HSPBAP1: variants seen among roughly 807,000 people sequenced by gnomAD.
HSPBAP1 encodes the protein HSPB1 associated protein 1.
HSPBAP1 carries 27 observed loss-of-function variants against 45.2 expected under a neutral mutation model. The observed-to-expected ratio is 0.60, with a 90% CI of 0.44 to 0.82. The LOEUF (loss-of-function observed/expected upper bound fraction) is 0.82, where lower values mean the gene tolerates loss of function less well. Ranked by LOEUF, HSPBAP1 falls within the 40% of genes least tolerant of loss-of-function variation. The pLI, the probability that HSPBAP1 is intolerant of heterozygous loss-of-function variation, is 0.00. For missense variants in HSPBAP1, 510 were observed against 590.9 expected, an observed-to-expected ratio of 0.86 and a Z score of 1.42; for synonymous variants, 204 against 202.7, an observed-to-expected ratio of 1.01 and a Z score of -0.06.
Position 122,740,073 on chromosome 3 carries a change from T to C in HSPBAP1, c.*272A>G, listed in dbSNP as rs1187420896. On this transcript the variant is annotated 3_prime_UTR_variant, in exon 8 of 8. Transcript: ENST00000306103. ...TGGTTGAGGCTGAGGAAGACATTAC[T>C]TCCTGCTGGAAATACTTGGGACTTA... The C allele has an allele frequency of 9.3e-6, 2 of 214,416 alleles. No individual in the cohort carries two copies. The highest frequency in any genetic ancestry group is 1.1e-4 in the Admixed American group (2 of 18,452). The allele number at this position is 214,416 out of a possible 1,614,324, so 13.3% of individuals were successfully genotyped here.
chr3:122,743,767 CT>C (rs1576230355), intron 6 of HSPBAP1, among the ~76,000 whole-genome samples: 1 of 152,234 alleles, frequency 6.6e-6, no homozygotes, highest in Non-Finnish European at 1.5e-5. Flanking sequence ...TGTGACAAAA[CT>C]TTTTTGTTTA....
At chr3:122,791,471 G>T (rs934619626) in intron 1 of HSPBAP1, among the ~76,000 whole-genome samples, 1 of 152,210 alleles carries the variant, frequency 6.6e-6, no homozygotes, top group African/African-American at 2.4e-5. Flanking sequence ...GCCTGGCATT[G>T]TACTAGCAGC....
chr3:122,779,010 A>C (rs1935300028), intron 1 of HSPBAP1, among the ~76,000 whole-genome samples: 1 of 151,570 alleles, frequency 6.6e-6, no homozygotes, highest in Non-Finnish European at 1.5e-5. Flanking sequence ...ATTGATCCTT[A>C]ATGTGATAGA....
Position 122,793,780 on chromosome 3 carries a change from G to T in HSPBAP1, c.-100C>A. ...TCCGAGACCCGAAGCTGCACCACAG[G>T]AAGGAGCCCCGGCGACTCCCGCCCG... On this transcript the variant is annotated 5_prime_UTR_variant, in exon 1 of 8. Coordinates refer to ENST00000306103, the MANE Select transcript of HSPBAP1 (RefSeq NM_024610.6). The T allele has an allele frequency of 4.4e-6, 5 of 1,146,442 alleles. No individual in the cohort carries two copies. Among genetic ancestry groups the T allele is most frequent in the African/African-American group, 1.5e-5 (1 of 65,370 alleles). The allele number at this position is 1,146,442 out of a possible 1,614,324, so 71.0% of individuals were successfully genotyped here.
intron 2 of HSPBAP1, among the ~76,000 whole-genome samples, chr3:122,774,827 T>C (rs1432981903): frequency 6.6e-6 from 1 of 152,176 alleles, no homozygotes; most frequent in Non-Finnish European, 1.5e-5. Flanking sequence ...GCAATCAGAA[T>C]GATTCAGAAG....
intron 6 of HSPBAP1, among the ~76,000 whole-genome samples, chr3:122,750,269 G>A (rs567258452): frequency 2.6e-5 from 4 of 152,174 alleles, no homozygotes; most frequent in Middle Eastern, 3.4e-3. Context: ...CACCGTGCCC[G>A]GCCTTATGTT....
chr3:122,785,978 T>G (rs1935643268), intron 1 of HSPBAP1, among the ~76,000 whole-genome samples: 1 of 152,144 alleles, frequency 6.6e-6, no homozygotes, highest in African/African-American at 2.4e-5. Flanking sequence ...TTCTATATAC[T>G]GCCTGAAAAG....
At chr3:122,764,075 C>A (rs910228383) in intron 3 of HSPBAP1, among the ~76,000 whole-genome samples, 2 of 152,210 alleles carry the variant, frequency 1.3e-5, no homozygotes, top group Non-Finnish European at 2.9e-5. Flanking sequence ...GCCTTCCTTC[C>A]TATATGTTTT....
chr3:122,752,834 C>CT (rs1934207029), intron 5 of HSPBAP1, 160 bp from the exon 6 acceptor site: 6 of 1,386,140 alleles, frequency 4.3e-6, no homozygotes, highest in Admixed American at 3.5e-5. Context: ...CCCCGCAAAC[C>CT]TTTTTTCCTT....
chr3:122,751,653 C>T (rs970928049), intron 6 of HSPBAP1, among the ~76,000 whole-genome samples: 7 of 152,310 alleles, frequency 4.6e-5, no homozygotes, highest in Middle Eastern at 3.4e-3. Context: ...GTAGATATGA[C>T]TTTGGCATTG....
At chr3:122,749,064 CAT>C (rs924245769) in intron 6 of HSPBAP1, among the ~76,000 whole-genome samples, 4 of 151,700 alleles carry the variant, frequency 2.6e-5, no homozygotes, top group Admixed American at 6.6e-5. Flanking sequence ...TAAGTAAAGA[CAT>C]ATTTATATGC....
intron 1 of HSPBAP1, among the ~76,000 whole-genome samples, chr3:122,779,034 C>CTTTTT (rs201429620): frequency 4.1e-5 from 6 of 147,748 alleles, no homozygotes; most frequent in African/African-American, 7.5e-5. Context: ...CATTTTCTTT[C>CTTTTT]TTTTTCTTTT....
intron 3 of HSPBAP1, among the ~76,000 whole-genome samples, chr3:122,767,458 G>A (rs1934827092): frequency 6.6e-6 from 1 of 152,108 alleles, no homozygotes; most frequent in South Asian, 2.1e-4. Context: ...TGATGGCTGT[G>A]GCAGGAGAAT....
At chr3:122,774,593 A>G (rs1255775017) in intron 2 of HSPBAP1, among the ~76,000 whole-genome samples, 1 of 152,128 alleles carries the variant, frequency 6.6e-6, no homozygotes, top group Non-Finnish European at 1.5e-5. Context: ...ATAAGATTAG[A>G]TTTGTTTTCC....
chr3:122,790,044 G>T (rs1301667316), intron 1 of HSPBAP1, among the ~76,000 whole-genome samples: 1 of 151,892 alleles, frequency 6.6e-6, no homozygotes, highest in Non-Finnish European at 1.5e-5. Context: ...CGTATTTTCC[G>T]TAGAGACAGG....
chr3:122,770,594 G>A (rs912791563), intron 2 of HSPBAP1, among the ~76,000 whole-genome samples: 1 of 152,064 alleles, frequency 6.6e-6, no homozygotes, highest in Admixed American at 6.6e-5. Flanking sequence ...GCAGCTACTC[G>A]GGCAGCTGAG....
intron 5 of HSPBAP1, chr3:122,753,676 T>C (rs1252180517): frequency 6.1e-6 from 6 of 985,142 alleles, no homozygotes; most frequent in African/African-American, 1.7e-5. Flanking sequence ...TACTGGTATT[T>C]GCTGTGAACA....
intron 1 of HSPBAP1, 24 bp downstream of exon 1, chr3:122,793,593 G>T: frequency 2.5e-6 from 4 of 1,611,624 alleles, no homozygotes; most frequent in Non-Finnish European, 3.4e-6. Context: ...TGTACTCAGG[G>T]TCGGACCTCA....
chr3:122,763,513 A>C (rs1488623489), intron 3 of HSPBAP1, among the ~76,000 whole-genome samples: 1 of 152,128 alleles, frequency 6.6e-6, no homozygotes, highest in Non-Finnish European at 1.5e-5. Flanking sequence ...CTGTCTCGAC[A>C]CTAGCAGTTT....
Sources: allele counts gnomAD v4.1 joint callset (sites outside exome capture counted in the v4.1 genomes callset), GRCh38; gene constraint gnomAD v4.1.1; transcripts MANE v1.5; gene names NCBI Gene and HGNC (gene_info 2026-07-23, HGNC 2026-07-21).